Variants in CRISPLD2 observed in about 807,000 individuals in gnomAD.
CRISPLD2 encodes cysteine rich secretory protein LCCL domain containing 2.
CRISPLD2 carries 47 observed loss-of-function variants against 71.1 expected under a neutral mutation model. The ratio of observed to expected loss-of-function variants is 0.66; its 90% CI spans 0.52 to 0.84. The LOEUF (loss-of-function observed/expected upper bound fraction) is 0.84, where lower values mean the gene tolerates loss of function less well. Ranked by LOEUF, CRISPLD2 falls within the 40% of genes least tolerant of loss-of-function variation. CRISPLD2 has a pLI of 0.00. For missense variants in CRISPLD2, 830 were observed against 651.1 expected, an observed-to-expected ratio of 1.27 and a Z score of -2.99; for synonymous variants, 317 against 250.1, an observed-to-expected ratio of 1.27 and a Z score of -2.52.
chr16:84,841,553 A>AT (rs908281839), intron 2 of CRISPLD2, among the ~76,000 whole-genome samples: 2 of 151,548 alleles, frequency 1.3e-5, no homozygotes, highest in African/African-American at 4.9e-5. Flanking sequence ...AGAAAAAAAA[A>AT]GAAACAGGGT....
chr16:84,832,381 C>G (rs9929787), intron 1 of CRISPLD2, among the ~76,000 whole-genome samples: 23,696 of 152,302 alleles, frequency 0.16, 1,886 homozygotes, highest in Middle Eastern at 0.18. Flanking sequence ...ACCCAGGTCT[C>G]TCTTCCCCGA....
intron 13 of CRISPLD2, among the ~76,000 whole-genome samples, chr16:84,885,267 T>C (rs1054714444): frequency 3.9e-5 from 6 of 152,218 alleles, no homozygotes; most frequent in African/African-American, 1.4e-4. Flanking sequence ...TCGCCCCCGC[T>C]CACGGCGATT....
chr16:84,870,254 A>G (rs2071455920), intron 8 of CRISPLD2, among the ~76,000 whole-genome samples: 2 of 140,164 alleles, frequency 1.4e-5, no homozygotes, highest in Admixed American at 1.4e-4. Context: ...ACCAGCAGCA[A>G]TTTGATGTAT....
At chr16:84,893,761 T>G (rs903954847) in intron 14 of CRISPLD2, among the ~76,000 whole-genome samples, 3 of 152,180 alleles carry the variant, frequency 2.0e-5, no homozygotes, top group African/African-American at 7.2e-5. Context: ...CCCTGTCCTT[T>G]CCTTATTTAG....
intron 12 of CRISPLD2, among the ~76,000 whole-genome samples, chr16:84,878,077 A>G (rs1356106699): frequency 7.0e-6 from 1 of 142,616 alleles, no homozygotes; most frequent in South Asian, 2.2e-4. Flanking sequence ...AAAAAAAATT[A>G]GCCGGGCGTG....
chr16:84,828,173 C>A (rs1469571978), intron 1 of CRISPLD2: 1 of 152,276 alleles, frequency 6.6e-6, no homozygotes, highest in Admixed American at 6.5e-5. Flanking sequence ...GTGAATCACG[C>A]TTCTCAGGCA....
At chr16:84,825,859 T>C (rs1916338938) in intron 1 of CRISPLD2, among the ~76,000 whole-genome samples, 1 of 151,524 alleles carries the variant, frequency 6.6e-6, no homozygotes, top group Non-Finnish European at 1.5e-5. Context: ...TCCAGCTTCT[T>C]GGGAGGTAGA....
chr16:84,868,952 G>A (rs777714027), intron 8 of CRISPLD2, 41 bp downstream of exon 8: 27 of 1,490,552 alleles, frequency 1.8e-5, no homozygotes, highest in East Asian at 2.3e-5. Context: ...TAGCCTCTGA[G>A]TCTGTGCTGG....
chr16:84,901,249 T>G (rs1022052330), intron 14 of CRISPLD2, among the ~76,000 whole-genome samples: 5 of 152,022 alleles, frequency 3.3e-5, no homozygotes, highest in South Asian at 2.1e-4. Context: ...TATATAATAT[T>G]TGTGTTGAAA....
At chr16:84,874,680 T>G (rs553098415) in intron 11 of CRISPLD2, among the ~76,000 whole-genome samples, 1 of 152,204 alleles carries the variant, frequency 6.6e-6, no homozygotes, top group African/African-American at 2.4e-5. Flanking sequence ...GTTAGATATC[T>G]TTATTAAAAT....
chr16:84,874,020 GGAA>G, intron 11 of CRISPLD2, 57 bp downstream of exon 11: 1 of 1,463,772 alleles, frequency 6.8e-7, no homozygotes, highest in Non-Finnish European at 9.3e-7. Flanking sequence ...AGATTTTCCT[GGAA>G]ATTTCACTTC....
At chr16:84,837,793 C>T (rs750094726) in intron 1 of CRISPLD2, among the ~76,000 whole-genome samples, 3 of 151,674 alleles carry the variant, frequency 2.0e-5, no homozygotes, top group Non-Finnish European at 4.4e-5. Context: ...TTGAGAATAA[C>T]ATAAACGACC....
At chr16:84,897,675 G>A (rs1213151476) in intron 14 of CRISPLD2, among the ~76,000 whole-genome samples, 4 of 152,022 alleles carry the variant, frequency 2.6e-5, no homozygotes, top group South Asian at 2.1e-4. Flanking sequence ...GGAGTGCAGC[G>A]GCTTGACCTC....
chr16:84,905,062 C>A (rs1161355778), intron 14 of CRISPLD2, among the ~76,000 whole-genome samples: 1 of 152,200 alleles, frequency 6.6e-6, no homozygotes, highest in Non-Finnish European at 1.5e-5. Context: ...AGGAGGATCA[C>A]TTGGGCCCAG....
chr16:84,898,323 C>T (rs1354706366), intron 14 of CRISPLD2, among the ~76,000 whole-genome samples: 1 of 152,166 alleles, frequency 6.6e-6, no homozygotes, highest in East Asian at 1.9e-4. Flanking sequence ...GAATCAAATC[C>T]GCCCCACTCC....
intron 8 of CRISPLD2, among the ~76,000 whole-genome samples, chr16:84,869,673 C>T (rs2071448896): frequency 6.6e-6 from 1 of 152,176 alleles, no homozygotes; most frequent in African/African-American, 2.4e-5. Context: ...ACCTCGCGCT[C>T]AGTGTTAGGG....
At chr16:84,845,765 C>T (rs1274565904) in intron 2 of CRISPLD2, 21 bp from the exon 3 acceptor site, 1 of 1,553,074 alleles carries the variant, frequency 6.4e-7, no homozygotes, top group Non-Finnish European at 8.9e-7. Context: ...CTCCTGGTGC[C>T]CGTTTCTCCT....
At chr16:84,902,617 A>C (rs1351442466) in intron 14 of CRISPLD2, among the ~76,000 whole-genome samples, 6 of 151,590 alleles carry the variant, frequency 4.0e-5, no homozygotes, top group African/African-American at 1.2e-4. Flanking sequence ...CTCAAAAAAA[A>C]AAGAAACAAC....
At chr16:84,871,664 G>T (rs186696979) in intron 8 of CRISPLD2, among the ~76,000 whole-genome samples, 1 of 151,902 alleles carries the variant, frequency 6.6e-6, no homozygotes, top group Admixed American at 6.5e-5. Flanking sequence ...TGACTTTCCT[G>T]CCTCAGCCTC....
Sources: gnomAD v4.1 joint callset for allele counts (sites outside exome capture counted in the v4.1 genomes callset) on GRCh38, gnomAD v4.1.1 for gene constraint, MANE v1.5 for transcripts, NCBI Gene and HGNC (gene_info 2026-07-23, HGNC 2026-07-21) for gene names.